The following BUB1 variants were observed in gnomAD, a reference collection of about 807,000 sequenced individuals.
The protein encoded by BUB1 is BUB1 mitotic checkpoint serine/threonine kinase.
A neutral mutation model predicts 135.2 loss-of-function variants in BUB1; 84 were observed. That is an observed-to-expected ratio of 0.62 (90% confidence interval 0.52 to 0.74). BUB1 has a LOEUF of 0.74. Among genes scored for constraint, BUB1 ranks in the 30% least tolerant of loss-of-function variants. BUB1 has a pLI of 0.00. For missense variants in BUB1, 1,162 were observed against 1,288.3 expected (o/e 0.90, Z 1.50); for synonymous variants, 403 against 434.4 (o/e 0.93, Z 0.90).
intron 19 of BUB1, among the ~76,000 whole-genome samples, chr2:110,643,742 T>C (rs1333636218): frequency 2.6e-5 from 4 of 152,106 alleles, no homozygotes; most frequent in Non-Finnish European, 5.9e-5. Context: ...TGGGCTCAAG[T>C]GATCATCCTA....
intron 9 of BUB1, among the ~76,000 whole-genome samples, chr2:110,663,065 G>T (rs1176083378): frequency 6.6e-6 from 1 of 152,152 alleles, no homozygotes; most frequent in African/African-American, 2.4e-5. Context: ...TGGATCACAA[G>T]GTCAGGAGTT....
At chr2:110,676,280 C>T (rs1384281811) in intron 1 of BUB1, among the ~76,000 whole-genome samples, 1 of 151,956 alleles carries the variant, frequency 6.6e-6, no homozygotes, top group East Asian at 1.9e-4. Context: ...TCTCTCATAA[C>T]AGAAATTCAC....
In BUB1 at chr2:110,658,433, T is replaced by C. The variant is rs760758876; in HGVS notation, c.1493A>G (p.Asp498Gly). The change falls in exon 13 of 25, where the codon GAT becomes GGT. Residue 498 changes from aspartate (D) to glycine (G), a missense_variant. Asp to Gly is a moderately conservative substitution (Grantham distance 94). Transcript: ENST00000302759. Reference sequence around the variant, plus strand: ...ACTTTGAAACTGGGCTTCAAATGCATCTTCATTTTGATCTAGAGATTGCCA... The same window carrying C: ...ACTTTGAAACTGGGCTTCAAATGCACCTTCATTTTGATCTAGAGATTGCCA... ...DEWQSLDQNE[D>G]AFEAQFQKNV... 2 of 1,613,752 alleles carry C rather than the reference T, an allele frequency of 1.2e-6. No individual in the cohort carries two copies. Among genetic ancestry groups the C allele is most frequent in the Non-Finnish European group, 1.7e-6 (2 of 1,179,774 alleles).
chr2:110,647,718 C>T (rs1689679499), intron 19 of BUB1, among the ~76,000 whole-genome samples: 1 of 152,142 alleles, frequency 6.6e-6, no homozygotes, highest in Non-Finnish European at 1.5e-5. Flanking sequence ...AAGAAACCAA[C>T]CAACCAATTA....
Position 110,677,960 on chromosome 2 carries a change from G to A in BUB1, c.26+10C>T. The A allele has an allele frequency of 6.2e-7, 1 of 1,608,110 alleles. No homozygotes were observed. Among genetic ancestry groups the A allele is most frequent in the South Asian group, 1.1e-5 (1 of 89,956 alleles). On this transcript the variant is annotated intron_variant, in intron 1 of 24. Transcript: ENST00000302759. ...CCTGGGCTTCCCCACCCCACCAGAC[G>A]GACACTTACTGAAGGACATTTTCCG...
In BUB1 at chr2:110,643,076, G is replaced by A. The variant is rs189750046; in HGVS notation, c.2348-842C>T. 1.8e-3 allele frequency among the ~76,000 whole-genome samples: 275 copies of A among 152,296 alleles called. 1 individual carries two copies. The highest frequency in any genetic ancestry group is 2.8e-3 in the Non-Finnish European group (193 of 68,024). On this transcript the variant is annotated intron_variant, in intron 19 of 24. Coordinates refer to ENST00000302759, the MANE Select transcript of BUB1 (RefSeq NM_004336.5). ...GTAAAGTAGTAGATTTCTGGTTCCT[G>A]GTCCAGCATATGAGGAGCTTGGAGT...
chr2:110,638,539 A>C (rs1689420254), intron 24 of BUB1, among the ~76,000 whole-genome samples: 1 of 152,252 alleles, frequency 6.6e-6, no homozygotes, highest in South Asian at 2.1e-4. Flanking sequence ...CATATGCACC[A>C]GGACCAAGTA....
intron 24 of BUB1, 31 bp from the exon 25 acceptor site, chr2:110,638,190 A>G: frequency 6.5e-7 from 1 of 1,533,336 alleles, no homozygotes; most frequent in Non-Finnish European, 8.8e-7. Flanking sequence ...ATAATGGCTA[A>G]AATGTAGCCT....
intron 1 of BUB1, among the ~76,000 whole-genome samples, chr2:110,675,598 C>A (rs899135518): frequency 6.6e-6 from 1 of 151,654 alleles, no homozygotes; most frequent in African/African-American, 2.4e-5. Flanking sequence ...CTATCTGAGA[C>A]ACTATAAGAT....
rs762671712 is a variant in BUB1, at chr2:110,657,126, A to G, written c.1617-9T>C. 12 of 1,604,954 alleles carry G rather than the reference A, an allele frequency of 7.5e-6. No homozygotes were observed. In the South Asian group the frequency reaches 1.1e-4, roughly 15 times the overall value. On this transcript the variant is annotated splice_polypyrimidine_tract_variant and intron_variant, in intron 14 of 24. Transcript: ENST00000302759. The stretch of plus-strand genomic sequence containing the variant: ...TTTTAGGCTGTGGTAATCTAAGGAA[A>G]GATTTGCTAAATTATAAATAGTAAA...
Position 110,653,485 on chromosome 2 carries a change from C to A in BUB1, c.1915G>T (p.Asp639Tyr). The A allele has an allele frequency of 6.2e-7, 1 of 1,613,902 alleles. No homozygotes were observed. Among genetic ancestry groups the A allele is most frequent in the Non-Finnish European group, 8.5e-7 (1 of 1,179,906 alleles). Residue 639 changes from aspartate (D) to tyrosine (Y), a missense_variant, in exon 17 of 25, where the codon GAT becomes TAT. Coordinates refer to ENST00000302759, the MANE Select transcript of BUB1 (RefSeq NM_004336.5). ...VAKQCTQATL[D>Y]SCEENMVVPS... ...ACCACCATGTTTTCCTCACAAGAAT[C>A]CAAAGTCGCCTGGGTACACTGTTTT...
intron 4 of BUB1, among the ~76,000 whole-genome samples, chr2:110,671,938 A>G (rs1016265092): frequency 1.2e-4 from 19 of 152,220 alleles, no homozygotes; most frequent in Admixed American, 5.2e-4. Flanking sequence ...TATATTCATC[A>G]CAGGCCAGGC....
chr2:110,639,819 T>C lies in BUB1; in HGVS notation c.2985A>G (p.Val995=), dbSNP rs750585350. The part of the protein sequence containing the change: ...QIDYFGVAAT[V]YCMLFGTYMK... Reference sequence around the variant, plus strand: ...TGTAAGTGCCAAAGAGCATGCAATATACTGTTGCAGCAACCCCAAAGTAAT... The same window carrying C: ...TGTAAGTGCCAAAGAGCATGCAATACACTGTTGCAGCAACCCCAAAGTAAT... Residue 995 remains valine, a synonymous_variant, in exon 24 of 25, where the codon GTA becomes GTG. Transcript: ENST00000302759. 6.2e-7 allele frequency: 1 copy of C among 1,614,062 alleles called. No homozygotes were observed. Among genetic ancestry groups the C allele is most frequent in the East Asian group, 2.2e-5 (1 of 44,890 alleles).
Position 110,637,899 on chromosome 2 carries a change from A to C in BUB1, c.*65T>G. Reference sequence around the variant, plus strand: ...TACATAAACAATAAATGAAAAAAAAACAGGTTTAAAGTGAGCAGATTCATA... The same window carrying C: ...TACATAAACAATAAATGAAAAAAAACCAGGTTTAAAGTGAGCAGATTCATA... On this transcript the variant is annotated 3_prime_UTR_variant, in exon 25 of 25. Transcript: ENST00000302759. The C allele has an allele frequency of 9.0e-7, 1 of 1,112,230 alleles. No homozygotes were observed. Among genetic ancestry groups the C allele is most frequent in the Non-Finnish European group, 1.2e-6 (1 of 827,692 alleles). The allele number at this position is 1,112,230 out of a possible 1,614,324, so 68.9% of individuals were successfully genotyped here. A position where few individuals can be genotyped will look rare whatever the true frequency, so the allele number is the denominator to read the frequency against.
In BUB1 at chr2:110,641,678, T is replaced by C. The variant is rs762020192; in HGVS notation, c.2589A>G (p.Val863=). The part of the protein sequence containing the change: ...YSAHLFQNGS[V]LVGELYSYGT... ...CATAGCTGTAGAGCTCTCCTACTAATACACTGCCATTCTGGAATAAGTGGG... is the reference window on the plus strand; with the variant it reads ...CATAGCTGTAGAGCTCTCCTACTAACACACTGCCATTCTGGAATAAGTGGG... The change falls in exon 21 of 25, where the codon GTA becomes GTG. Residue 863 remains valine (V), a synonymous_variant. Coordinates refer to ENST00000302759, the MANE Select transcript of BUB1 (RefSeq NM_004336.5). 1.9e-6 allele frequency: 3 copies of C among 1,613,400 alleles called. No homozygotes were observed. In the Admixed American group the frequency reaches 5.0e-5, roughly 27 times the overall value.
intron 18 of BUB1, 50 bp downstream of exon 18, chr2:110,650,496 C>T (rs1421353206): frequency 6.4e-7 from 1 of 1,557,426 alleles, no homozygotes; most frequent in Non-Finnish European, 8.8e-7. Context: ...ACAGCTTTCC[C>T]CATGCTCCTG....
chr2:110,641,917 G>T, intron 20 of BUB1, 114 bp from the exon 21 acceptor site: 1 of 1,223,486 alleles, frequency 8.2e-7, no homozygotes, highest in Non-Finnish European at 1.1e-6. Flanking sequence ...GACAAGCTAT[G>T]AACTGTTGCT....
chr2:110,657,877 G>A (rs1689974832), intron 13 of BUB1, among the ~76,000 whole-genome samples: 1 of 152,170 alleles, frequency 6.6e-6, no homozygotes, highest in Non-Finnish European at 1.5e-5. Flanking sequence ...TATCAGCAAG[G>A]TGTTAATCAT....
At position 110,672,864 on chromosome 2, in the gene BUB1, G is replaced by A. The variant is rs749830798; in HGVS notation, c.226-7C>T. Reference sequence around the variant, plus strand: ...GGTCACTGTTGTACTCAGCCTACACGAACCCAAAACAAAAAGACATAAGAA... The same window carrying A: ...GGTCACTGTTGTACTCAGCCTACACAAACCCAAAACAAAAAGACATAAGAA... On this transcript the variant is annotated splice_polypyrimidine_tract_variant and splice_region_variant and intron_variant, in intron 3 of 24. Transcript: ENST00000302759. 5.7e-6 allele frequency: 9 copies of A among 1,570,200 alleles called. No individual in the cohort carries two copies. The highest frequency in any genetic ancestry group is 2.3e-5 in the East Asian group (1 of 44,046).
Sources: gnomAD v4.1 joint callset for allele counts (sites outside exome capture counted in the v4.1 genomes callset) on GRCh38, gnomAD v4.1.1 for gene constraint, MANE v1.5 for transcripts, NCBI Gene and HGNC (gene_info 2026-07-23, HGNC 2026-07-21) for gene names.